Variants in RGMB observed in about 807,000 individuals in gnomAD.
The protein encoded by RGMB is repulsive guidance molecule BMP co-receptor b.
A neutral mutation model predicts 26.9 loss-of-function variants in RGMB; 16 were observed. The observed-to-expected ratio is 0.60, with a 90% confidence interval of 0.40 to 0.90. The LOEUF is 0.90. Ranked by LOEUF, RGMB falls within the 40% of genes least tolerant of loss-of-function variation. The pLI, the probability that RGMB is intolerant of heterozygous loss-of-function variation, is 0.00. For synonymous variants in RGMB, 225 were observed against 229.3 expected, an observed-to-expected ratio of 0.98 and a Z score of 0.17; for missense variants, 512 against 573.3, an observed-to-expected ratio of 0.89 and a Z score of 1.09.
chr5:98,796,090 G>A lies in RGMB; in HGVS notation c.*2337G>A, dbSNP rs1435014007. On this transcript the variant is annotated 3_prime_UTR_variant, in exon 3 of 3. Transcript: ENST00000513185. Reference sequence around the variant, plus strand: ...TTCAGAAATAGATGTATTTCTCTACGTAAGGGCCAGGTTTATTTTCTCCTT... The same window carrying A: ...TTCAGAAATAGATGTATTTCTCTACATAAGGGCCAGGTTTATTTTCTCCTT... 3.9e-5 allele frequency: 6 copies of A among 152,134 alleles called. No individual in the cohort carries two copies. The highest frequency in any genetic ancestry group is 8.8e-5 in the Non-Finnish European group (6 of 68,014). The allele number at this position is 152,134 out of a possible 1,614,324, so 9.4% of individuals were successfully genotyped here. A position where few individuals can be genotyped will look rare whatever the true frequency, so the allele number is the denominator to read the frequency against.
In RGMB at chr5:98,795,900, T is replaced by C. The variant is rs993867184; in HGVS notation, c.*2147T>C. On this transcript the variant is annotated 3_prime_UTR_variant, in exon 3 of 3. Transcript: ENST00000513185. The stretch of plus-strand genomic sequence containing the variant: ...ATACCTTTGCTCTTTTCAGGGAAAA[T>C]AACAACCACCCTTACTGATAGTTGG... 6.6e-6 allele frequency: 1 copy of C among 152,132 alleles called. No individual in the cohort carries two copies. Among genetic ancestry groups the C allele is most frequent in the Admixed American group, 6.6e-5 (1 of 15,266 alleles). The allele number at this position is 152,132 out of a possible 1,614,324, so 9.4% of individuals were successfully genotyped here.
chr5:98,768,737 A>C (rs900453257), upstream of RGMB: 1 of 152,122 alleles, frequency 6.6e-6, no homozygotes, highest in African/African-American at 2.4e-5. Flanking sequence ...GCACACTGGC[A>C]CCTTAGGTGG....
At chr5:98,779,005 G>A (rs1746504606) in intron 1 of RGMB, among the ~76,000 whole-genome samples, 1 of 151,842 alleles carries the variant, frequency 6.6e-6, no homozygotes, top group African/African-American at 2.4e-5. Flanking sequence ...AGGAGAAGTA[G>A]AATGACAGTA....
chr5:98,776,620 C>T (rs1746410973), intron 1 of RGMB, among the ~76,000 whole-genome samples: 1 of 152,208 alleles, frequency 6.6e-6, no homozygotes, highest in Non-Finnish European at 1.5e-5. Context: ...ATATAGAAGC[C>T]CACAAGGCAG....
chr5:98,785,604 C>A (rs1561443751), intron 2 of RGMB, among the ~76,000 whole-genome samples: 3 of 152,180 alleles, frequency 2.0e-5, no homozygotes, highest in Non-Finnish European at 2.9e-5. Flanking sequence ...ACCCTGGCTC[C>A]CACTTTTGAA....
rs369410950 is a variant in RGMB, at chr5:98,793,561, C to T, written c.1122C>T (p.Phe374=). 233 of 1,614,008 alleles carry T rather than the reference C, an allele frequency of 1.4e-4. 1 individual carries two copies. Among genetic ancestry groups the T allele is most frequent in the Middle Eastern group, 4.9e-4 (3 of 6,062 alleles). The change falls in exon 3 of 3, where the codon TTC becomes TTT. Residue 374 remains phenylalanine (F), a synonymous_variant. Coordinates refer to ENST00000513185, the MANE Select transcript of RGMB (RefSeq NM_001366508.1). The stretch of plus-strand genomic sequence containing the variant: ...ACATCTATTTCCAGTCCTGTGTCTT[C>T]GACCTGCTCACCACTGGTGATGCCA... ...VKDIYFQSCV[F]DLLTTGDANF...
Position 98,793,118 on chromosome 5 carries a change from A to G in RGMB, c.679A>G (p.Thr227Ala). The G allele has an allele frequency of 1.2e-6, 2 of 1,613,270 alleles. No individual in the cohort carries two copies. Among genetic ancestry groups the G allele is most frequent in the South Asian group, 1.1e-5 (1 of 90,982 alleles). The change falls in exon 3 of 3, where the codon ACA becomes GCA. Residue 227 changes from threonine to alanine, a missense_variant. Thr to Ala is a moderately conservative substitution (Grantham distance 58). Transcript: ENST00000513185. ...TIIFKAHHECTDQKVYQAVTD... is the reference protein window; with the variant it reads ...TIIFKAHHECADQKVYQAVTD... ...TATCTTCAAAGCCCACCATGAGTGT[A>G]CAGATCAGAAAGTCTACCAAGCTGT...
At chr5:98,771,502 C>T (rs1424909788), upstream of RGMB, among the ~76,000 whole-genome samples, 10 of 152,172 alleles carry the variant, frequency 6.6e-5, no homozygotes, top group Non-Finnish European at 1.5e-4. Flanking sequence ...GTCAACTGAC[C>T]TATGTCTTGA....
rs368639164 is a variant in RGMB, at chr5:98,778,144, A to T, written c.137-1436A>T. Among the ~76,000 whole-genome samples the T allele has an allele frequency of 1.1e-4, 17 of 152,314 alleles. No individual in the cohort carries two copies. The East Asian group carries it at 1.7e-3, about 16-fold the overall frequency. Reference sequence around the variant, plus strand: ...TTGTCTTCTCCCACCTGTTTCTCCCAGCCAAAGCCAGAAACAGAGCTTACA... The same window carrying T: ...TTGTCTTCTCCCACCTGTTTCTCCCTGCCAAAGCCAGAAACAGAGCTTACA... On this transcript the variant is annotated intron_variant, in intron 1 of 2. Coordinates refer to ENST00000513185, the MANE Select transcript of RGMB (RefSeq NM_001366508.1).
intron 2 of RGMB, among the ~76,000 whole-genome samples, chr5:98,786,329 G>A (rs964135128): frequency 8.5e-5 from 13 of 152,322 alleles, no homozygotes; most frequent in African/African-American, 2.9e-4. Context: ...GGGCTCTGCT[G>A]CTTTAAAACA....
intron 2 of RGMB, among the ~76,000 whole-genome samples, chr5:98,788,593 G>A (rs1746832081): frequency 6.6e-6 from 1 of 152,128 alleles, no homozygotes; most frequent in South Asian, 2.1e-4. Flanking sequence ...GTTCTCCCCA[G>A]TTTTTATGTA....
upstream of RGMB, among the ~76,000 whole-genome samples, chr5:98,769,122 G>A (rs1746066095): frequency 6.6e-6 from 1 of 152,184 alleles, no homozygotes; most frequent in African/African-American, 2.4e-5. Context: ...AGTGTGGTGG[G>A]GGGAAGGCGA....
chr5:98,792,567 A>T (rs1388455964), intron 2 of RGMB, among the ~76,000 whole-genome samples: 2 of 133,600 alleles, frequency 1.5e-5, no homozygotes, highest in African/African-American at 2.8e-5. Flanking sequence ...GGAACCCCCG[A>T]CCTCCACCAT....
chr5:98,778,849 AG>A (rs1454884372), intron 1 of RGMB, among the ~76,000 whole-genome samples: 10 of 151,892 alleles, frequency 6.6e-5, no homozygotes, highest in Non-Finnish European at 1.2e-4. Context: ...CTAGGATCCT[AG>A]GGTAATGGAG....
intron 2 of RGMB, among the ~76,000 whole-genome samples, chr5:98,782,521 C>T (rs1746640092): frequency 6.6e-6 from 1 of 152,118 alleles, no homozygotes; most frequent in Admixed American, 6.5e-5. Context: ...AGAATTTAAG[C>T]AAGTGCATAG....
chr5:98,794,389 T>G lies in RGMB; in HGVS notation c.*636T>G, dbSNP rs1747050044. On this transcript the variant is annotated 3_prime_UTR_variant, in exon 3 of 3. Coordinates refer to ENST00000513185, the MANE Select transcript of RGMB (RefSeq NM_001366508.1). ...GGGGGGGTATTATTGGTATTCTGAT[T>G]ACTCTCAATTCTAATTGTTATATAT... 6.6e-6 allele frequency: 1 copy of G among 152,228 alleles called. No individual in the cohort carries two copies. The highest frequency in any genetic ancestry group is 2.4e-5 in the African/African-American group (1 of 41,456). The allele number at this position is 152,228 out of a possible 1,614,324, so 9.4% of individuals were successfully genotyped here. A position where few individuals can be genotyped will look rare whatever the true frequency, so the allele number is the denominator to read the frequency against.
At chr5:98,771,829 C>A (rs1285450828), upstream of RGMB, 1 of 152,088 alleles carries the variant, frequency 6.6e-6, no homozygotes, top group Non-Finnish European at 1.5e-5. Context: ...AGTGGAAAGA[C>A]CCAAACCAAA....
intron 1 of RGMB, among the ~76,000 whole-genome samples, chr5:98,779,013 G>A (rs1157742526): frequency 6.6e-6 from 1 of 151,716 alleles, no homozygotes; most frequent in African/African-American, 2.4e-5. Flanking sequence ...TAGAATGACA[G>A]TACCTGGATT....
At position 98,795,194 on chromosome 5, in the gene RGMB, GTTTC is replaced by G. The variant is rs1344689910; in HGVS notation, c.*1443_*1446del. 6.6e-6 allele frequency: 1 copy of G among 152,130 alleles called. No homozygotes were observed. The highest frequency in any genetic ancestry group is 2.4e-5 in the African/African-American group (1 of 41,410). The allele number at this position is 152,130 out of a possible 1,614,324, so 9.4% of individuals were successfully genotyped here. ...AGAAAGTTAACTCCAGGATAGGTAG[GTTTC>G]TATTGTTATAGCTAGATGTAAATCT... On this transcript the variant is annotated 3_prime_UTR_variant, in exon 3 of 3. Transcript: ENST00000513185.
Sources: gnomAD v4.1 joint callset for allele counts (sites outside exome capture counted in the v4.1 genomes callset) on GRCh38, gnomAD v4.1.1 for gene constraint, MANE v1.5 for transcripts, NCBI Gene and HGNC (gene_info 2026-07-23, HGNC 2026-07-21) for gene names.